The following ZNF76 variants were observed in gnomAD, a reference collection of about 807,000 sequenced individuals.
ZNF76 encodes the protein zinc finger protein 523.
ZNF76 carries 66 observed loss-of-function variants against 66.9 expected under a neutral mutation model. The observed-to-expected ratio is 0.99, with a 90% CI of 0.81 to 1.21. The LOEUF is 1.21. Ranked by LOEUF, ZNF76 falls within the 50% of genes most tolerant of loss-of-function variation. The pLI is 0.00. For missense variants in ZNF76, 729 were observed against 760.3 expected, an observed-to-expected ratio of 0.96 and a Z score of 0.48; for synonymous variants, 275 against 296.1, an observed-to-expected ratio of 0.93 and a Z score of 0.73.
chr6:35,269,007 G>C (rs1378039780), intron 1 of ZNF76, among the ~76,000 whole-genome samples: 1 of 152,096 alleles, frequency 6.6e-6, no homozygotes, highest in Non-Finnish European at 1.5e-5. Context: ...CCAGCCGGGT[G>C]TGGTGGCTCA....
At chr6:35,271,070 C>T (rs1464331161) in intron 1 of ZNF76, among the ~76,000 whole-genome samples, 1 of 152,172 alleles carries the variant, frequency 6.6e-6, no homozygotes, top group Non-Finnish European at 1.5e-5. Context: ...AAGGAGCTTC[C>T]TCATTTATGT....
intron 5 of ZNF76, among the ~76,000 whole-genome samples, chr6:35,289,318 C>T (rs926115010): frequency 1.3e-5 from 2 of 152,144 alleles, no homozygotes; most frequent in African/African-American, 4.8e-5. Flanking sequence ...CAGGTCAGGC[C>T]ACCTCTGACC....
At chr6:35,276,686 G>A (rs1009359448) in intron 1 of ZNF76, among the ~76,000 whole-genome samples, 4 of 152,142 alleles carry the variant, frequency 2.6e-5, no homozygotes, top group Non-Finnish European at 2.9e-5. Flanking sequence ...GTATTTGACA[G>A]AGGTGAGCTG....
At chr6:35,271,191 G>T (rs903734627) in intron 1 of ZNF76, among the ~76,000 whole-genome samples, 2 of 152,132 alleles carry the variant, frequency 1.3e-5, no homozygotes, top group African/African-American at 4.8e-5. Context: ...CCATTTTCAC[G>T]CATGTCCATC....
At chr6:35,281,359 A>G in intron 2 of ZNF76, 135 bp downstream of exon 2, 4 of 751,096 alleles carry the variant, frequency 5.3e-6, no homozygotes, top group Non-Finnish European at 6.8e-6. Flanking sequence ...TTTGCTCTGC[A>G]TTAGAATCTC....
Position 35,286,071 on chromosome 6 carries a change from C to T in ZNF76, c.74-57C>T, listed in dbSNP as rs148223118. On this transcript the variant is annotated intron_variant, in intron 2 of 13. Coordinates refer to ENST00000373953, the MANE Select transcript of ZNF76 (RefSeq NM_003427.5). ...TAAGCCTCAGCTAAAAACAGGCAGG[C>T]GTTTCTTAGCCCTCTTCTGGTCCTG... is the stretch of plus-strand genomic sequence containing the variant. The T allele has an allele frequency of 6.3e-4, 960 of 1,534,972 alleles. 9 individuals carry two copies. In the African/African-American group the frequency reaches 7.1e-3, roughly 11 times the overall value.
intron 1 of ZNF76, among the ~76,000 whole-genome samples, chr6:35,262,702 A>G (rs1411534422): frequency 1.3e-5 from 2 of 152,120 alleles, no homozygotes; most frequent in East Asian, 3.9e-4. Flanking sequence ...GTGACCTGAA[A>G]CCTTCATATA....
chr6:35,283,513 C>T (rs1202906425), intron 2 of ZNF76, among the ~76,000 whole-genome samples: 1 of 152,220 alleles, frequency 6.6e-6, no homozygotes, highest in Non-Finnish European at 1.5e-5. Flanking sequence ...AATAAATGCA[C>T]TAGGACTGTT....
At chr6:35,270,990 A>G (rs1259171027) in intron 1 of ZNF76, among the ~76,000 whole-genome samples, 3 of 117,100 alleles carry the variant, frequency 2.6e-5, no homozygotes, top group Non-Finnish European at 6.0e-5. Flanking sequence ...TCATAAATAA[A>G]TAAATGGCAC....
chr6:35,290,513 A>G, intron 6 of ZNF76, 128 bp from the exon 7 acceptor site: 1 of 1,520,050 alleles, frequency 6.6e-7, no homozygotes, highest in Non-Finnish European at 9.0e-7. Context: ...GTACACAGGA[A>G]TGCCAGCACA....
chr6:35,274,954 A>G (rs985916461), intron 1 of ZNF76, among the ~76,000 whole-genome samples: 6 of 152,072 alleles, frequency 3.9e-5, no homozygotes, highest in African/African-American at 1.4e-4. Context: ...GGAGTTCGAG[A>G]TCAGCCTAAC....
At chr6:35,288,065 G>A (rs182783635) in intron 5 of ZNF76, 465 of 698,482 alleles carry the variant, frequency 6.7e-4, no homozygotes, top group African/African-American at 3.3e-3. Context: ...TGGCCTGGCC[G>A]CTGACAGCTG....
intron 5 of ZNF76, among the ~76,000 whole-genome samples, chr6:35,289,622 A>T (rs2150372138): frequency 6.6e-6 from 1 of 152,230 alleles, no homozygotes; most frequent in Non-Finnish European, 1.5e-5. Flanking sequence ...GGGTGGCTTT[A>T]GCAATATCCC....
In ZNF76 at chr6:35,286,128, G is replaced by T; in HGVS notation, c.74G>T (p.Gly25Val). The T allele has an allele frequency of 3.1e-6, 5 of 1,614,082 alleles. No individual in the cohort carries two copies. Among genetic ancestry groups the T allele is most frequent in the Non-Finnish European group, 4.2e-6 (5 of 1,179,978 alleles). The change falls in exon 3 of 14, where the codon GGA becomes GTA. Residue 25 changes from glycine (G) to valine (V), a missense_variant and splice_region_variant. Transcript: ENST00000373953. ...TTCTCTCTATTTCCACTCTTAACAG[G>T]AGAGAAGCTTCTTGAAGGGCAGGTG... Reference protein sequence around the residue: ...TTAYVQQAVKGEKLLEGQVIQ... With the variant: ...TTAYVQQAVKVEKLLEGQVIQ...
rs1790413663 is a variant in ZNF76 at position 35,291,708 on chromosome 6, A to G, written c.902A>G (p.Asn301Ser). The change falls in exon 9 of 14, where the codon AAC (asparagine) becomes AGC (serine). Residue 301 changes from asparagine (N) to serine (S), a missense_variant. Transcript: ENST00000373953. Reference sequence around the variant, plus strand: ...GGCCGCGGCTTCACCAGCGCCACCAACTATAAGAATCACGTGCGCATCCAC... The same window carrying G: ...GGCCGCGGCTTCACCAGCGCCACCAGCTATAAGAATCACGTGCGCATCCAC... Reference protein sequence around the residue: ...HCGRGFTSATNYKNHVRIHTG... With the variant: ...HCGRGFTSATSYKNHVRIHTG... 4 of 1,611,882 alleles carry G rather than the reference A, an allele frequency of 2.5e-6. No individual in the cohort carries two copies. Among genetic ancestry groups the G allele is most frequent in the Middle Eastern group, 1.6e-4 (1 of 6,062 alleles).
At position 35,295,844 on chromosome 6, in the gene ZNF76, G is replaced by C. The variant is rs1791100428; in HGVS notation, c.*596G>C. ...CAACCTCTCTATGGCAGAGAGGCAG[G>C]GAGTGGCCCTGTACATAGACTGCTG... is the stretch of plus-strand genomic sequence containing the variant. On this transcript the variant is annotated 3_prime_UTR_variant, in exon 14 of 14. Coordinates refer to ENST00000373953, the MANE Select transcript of ZNF76 (RefSeq NM_003427.5). The C allele has an allele frequency of 6.0e-6, 1 of 166,768 alleles. No individual in the cohort carries two copies. The highest frequency in any genetic ancestry group is 1.3e-5 in the Non-Finnish European group (1 of 75,052). The allele number at this position is 166,768 out of a possible 1,614,324, so 10.3% of individuals were successfully genotyped here. A position where few individuals can be genotyped will look rare whatever the true frequency, so the allele number is the denominator to read the frequency against.
chr6:35,280,012 G>A (rs979104181), intron 1 of ZNF76, among the ~76,000 whole-genome samples: 1 of 95,726 alleles, frequency 1.0e-5, no homozygotes, highest in Non-Finnish European at 2.5e-5. Context: ...TTTTTTTTTT[G>A]TAGAGACAAT....
At chr6:35,269,961 G>A (rs1786765869) in intron 1 of ZNF76, among the ~76,000 whole-genome samples, 2 of 152,128 alleles carry the variant, frequency 1.3e-5, no homozygotes, top group African/African-American at 4.8e-5. Flanking sequence ...ATGTGCTTTT[G>A]CTGTAGATCA....
chr6:35,292,945 G>T lies in ZNF76; in HGVS notation c.1230G>T (p.Val410=). The change falls in exon 11 of 14, where the codon GTG becomes GTT. Residue 410 remains valine, a synonymous_variant. Coordinates refer to ENST00000373953, the MANE Select transcript of ZNF76 (RefSeq NM_003427.5). This position sits in a 1 kb window ranked among gnomAD's most constrained non-coding sequence, Gnocchi z 4.7. ...KRPRIAYLSE[V]KEERDDIPAQ... ...CCCGGATAGCTTACCTTTCGGAGGT[G>T]AAGGAAGAGAGAGATGACATCCCAG... 6.2e-7 allele frequency: 1 copy of T among 1,614,232 alleles called. No homozygotes were observed. The highest frequency in any genetic ancestry group is 8.5e-7 in the Non-Finnish European group (1 of 1,180,044).
Sources: gnomAD v4.1 joint callset for allele counts (sites outside exome capture counted in the v4.1 genomes callset) on GRCh38, gnomAD v4.1.1 for gene constraint, Gnocchi (gnomAD v3.1) non-coding constraint, MANE v1.5 for transcripts, NCBI Gene and HGNC (gene_info 2026-07-23, HGNC 2026-07-21) for gene names.